Variants in DPP10 observed in about 807,000 individuals in gnomAD.
DPP10 encodes the protein dipeptidyl peptidase like 10.
DPP10 carries 33 observed loss-of-function variants against 120.9 expected under a neutral mutation model. The observed-to-expected ratio is 0.27, with a 90% confidence interval of 0.21 to 0.37. The LOEUF is 0.37. Ranked by LOEUF, DPP10 falls within the 10% of genes least tolerant of loss-of-function variation. DPP10 has a pLI of 1.00. For missense variants in DPP10, 816 were observed against 942.8 expected (o/e 0.87, Z 1.76); for synonymous variants, 337 against 326.1 (o/e 1.03, Z -0.36).
At chr2:114,920,752 T>A (rs755621971) in intron 1 of DPP10, among the ~76,000 whole-genome samples, 1 of 152,208 alleles carries the variant, frequency 6.6e-6, no homozygotes, top group Non-Finnish European at 1.5e-5. Flanking sequence ...ACCTCCCTTG[T>A]GGCTAATCAT....
intron 1 of DPP10, among the ~76,000 whole-genome samples, chr2:114,552,735 G>A (rs1687985915): frequency 6.6e-6 from 1 of 151,872 alleles, no homozygotes; most frequent in Non-Finnish European, 1.5e-5. Flanking sequence ...TAGTAGAGAT[G>A]GGGTTTCACC....
At chr2:115,081,879 T>A (rs1483296846) in intron 1 of DPP10, among the ~76,000 whole-genome samples, 1 of 152,222 alleles carries the variant, frequency 6.6e-6, no homozygotes, top group Non-Finnish European at 1.5e-5. Flanking sequence ...AGGAGTCTTA[T>A]TAGACTTCCA....
At chr2:115,192,152 A>G (rs2054928167) in intron 1 of DPP10, among the ~76,000 whole-genome samples, 1 of 152,212 alleles carries the variant, frequency 6.6e-6, no homozygotes, top group Non-Finnish European at 1.5e-5. Context: ...TGTTATCTGA[A>G]GCAATGTTTT....
intron 3 of DPP10, among the ~76,000 whole-genome samples, chr2:115,361,723 G>A (rs2064781670): frequency 6.6e-6 from 1 of 151,920 alleles, no homozygotes; most frequent in Non-Finnish European, 1.5e-5. Context: ...CCTGTTAAGG[G>A]CTGAGAGCCA....
At chr2:114,582,603 G>C (rs997265498) in intron 1 of DPP10, among the ~76,000 whole-genome samples, 9 of 152,154 alleles carry the variant, frequency 5.9e-5, no homozygotes, top group African/African-American at 1.9e-4. Flanking sequence ...CCAGAATTTG[G>C]TGTTGTCAGT....
At chr2:115,634,929 G>C (rs563130692) in intron 5 of DPP10, among the ~76,000 whole-genome samples, 2 of 152,150 alleles carry the variant, frequency 1.3e-5, no homozygotes, top group Non-Finnish European at 2.9e-5. Flanking sequence ...TGAAATTCTT[G>C]TAGGGAGGGC....
At chr2:115,378,519 C>G (rs1019070369) in intron 3 of DPP10, among the ~76,000 whole-genome samples, 3 of 151,748 alleles carry the variant, frequency 2.0e-5, no homozygotes, top group South Asian at 2.1e-4. Context: ...TTGACTTCCT[C>G]TTTTCCTAAT....
At chr2:115,840,302 A>T (rs1689956419) in intron 24 of DPP10, among the ~76,000 whole-genome samples, 1 of 141,622 alleles carries the variant, frequency 7.1e-6, no homozygotes, top group African/African-American at 2.7e-5. Flanking sequence ...ACCTAAAGCC[A>T]GATATAAGGT....
chr2:115,417,118 T>C (rs2069504702), intron 3 of DPP10, among the ~76,000 whole-genome samples: 1 of 152,174 alleles, frequency 6.6e-6, no homozygotes, highest in Non-Finnish European at 1.5e-5. Flanking sequence ...AGAATGGATG[T>C]TAGATTCAGG....
At chr2:114,721,827 T>A (rs948533353) in intron 1 of DPP10, among the ~76,000 whole-genome samples, 2 of 152,236 alleles carry the variant, frequency 1.3e-5, no homozygotes, top group Non-Finnish European at 2.9e-5. Context: ...TTGGTGAGAA[T>A]ATTTAATGGT....
chr2:115,544,417 T>C (rs2079371535), intron 5 of DPP10, among the ~76,000 whole-genome samples: 1 of 152,050 alleles, frequency 6.6e-6, no homozygotes, highest in Admixed American at 6.6e-5. Flanking sequence ...TCCATATTAA[T>C]TCCTAAGTAT....
chr2:114,626,684 C>T (rs974060325), intron 1 of DPP10, among the ~76,000 whole-genome samples: 4 of 152,040 alleles, frequency 2.6e-5, no homozygotes, highest in Admixed American at 2.6e-4. Flanking sequence ...TGTGAAAACA[C>T]TTCAGAAACT....
chr2:115,102,393 T>G (rs1241571279), intron 1 of DPP10, among the ~76,000 whole-genome samples: 1 of 138,832 alleles, frequency 7.2e-6, no homozygotes, highest in Non-Finnish European at 1.5e-5. Context: ...GGGGGAGGGG[T>G]TTTTTGTTTG....
At chr2:115,823,377 C>T (rs10496510) in intron 21 of DPP10, among the ~76,000 whole-genome samples, 61,777 of 151,914 alleles carry the variant, frequency 0.41, 13,458 homozygotes, top group African/African-American at 0.54. Context: ...ATTAAAACAT[C>T]TCACCAATCT....
At chr2:115,294,508 GT>G (rs1224460187) in intron 1 of DPP10, among the ~76,000 whole-genome samples, 12 of 150,830 alleles carry the variant, frequency 8.0e-5, no homozygotes, top group Non-Finnish European at 1.5e-4. Context: ...TCTTTCTTTT[GT>G]TTTTTGCTTT....
At chr2:115,036,359 C>A (rs1051840263) in intron 1 of DPP10, among the ~76,000 whole-genome samples, 3 of 152,154 alleles carry the variant, frequency 2.0e-5, no homozygotes, top group African/African-American at 7.2e-5. Flanking sequence ...CACAGCCAAA[C>A]CGTATCAATA....
At chr2:114,808,363 C>T (rs1404075505) in intron 1 of DPP10, among the ~76,000 whole-genome samples, 1 of 152,114 alleles carries the variant, frequency 6.6e-6, no homozygotes, top group East Asian at 1.9e-4. Flanking sequence ...TATAGGTCAG[C>T]ATGCATTTCT....
intron 1 of DPP10, among the ~76,000 whole-genome samples, chr2:114,977,711 T>C (rs191601246): frequency 7.2e-5 from 11 of 152,322 alleles, no homozygotes; most frequent in African/African-American, 2.6e-4. Context: ...GCTATTTTCA[T>C]TCTAAAAATT....
chr2:114,605,419 A>G (rs1284072322), intron 1 of DPP10, among the ~76,000 whole-genome samples: 1 of 152,092 alleles, frequency 6.6e-6, no homozygotes, highest in Non-Finnish European at 1.5e-5. Flanking sequence ...ATGTTGTTCC[A>G]CTTTCACTTA....
Sources: allele counts gnomAD v4.1 joint callset (sites outside exome capture counted in the v4.1 genomes callset), GRCh38; gene constraint gnomAD v4.1.1; transcripts MANE v1.5; gene names NCBI Gene and HGNC (gene_info 2026-07-23, HGNC 2026-07-21).